Variants in RPS6KA5 observed in about 807,000 individuals in gnomAD.
RPS6KA5 encodes the protein ribosomal protein S6 kinase A5, also known as ribosomal protein S6 kinase alpha-5.
Under a neutral mutation model 85.5 loss-of-function variants are expected in RPS6KA5, and 27 were observed. The ratio of observed to expected loss-of-function variants is 0.32; its 90% CI spans 0.23 to 0.44. The LOEUF (loss-of-function observed/expected upper bound fraction) is 0.44. Ranked by LOEUF, RPS6KA5 falls within the 20% of genes least tolerant of loss-of-function variation. The probability of loss-of-function intolerance (pLI) is 1.00; values close to 1 mark genes in which losing one functional copy is unlikely to be tolerated. For synonymous variants in RPS6KA5, 334 were observed against 348.2 expected, an observed-to-expected ratio of 0.96 and a Z score of 0.46; for missense variants, 811 against 980.9, an observed-to-expected ratio of 0.83 and a Z score of 2.31.
Position 90,894,575 on chromosome 14 carries a change from C to T in RPS6KA5, c.1482G>A (p.Thr494=), listed in dbSNP as rs772830897. The T allele has an allele frequency of 4.3e-5, 69 of 1,613,720 alleles. No homozygotes were observed. Among genetic ancestry groups the T allele is most frequent in the Middle Eastern group, 1.6e-4 (1 of 6,082 alleles). The change falls in exon 13 of 17, where the codon ACG becomes ACA. Residue 494 remains threonine (T), a synonymous_variant. Coordinates refer to ENST00000614987, the MANE Select transcript of RPS6KA5 (RefSeq NM_004755.4). ...CATTCAGAAGTTCCATCACTAGAAA[C>T]GTGTGAAGCTAGAAAAGAGAAAGAA... ...LHEVFHDQLH[T]FLVMELLNGG...
intron 8 of RPS6KA5, among the ~76,000 whole-genome samples, chr14:90,905,077 T>C (rs1026032541): frequency 2.6e-5 from 4 of 152,204 alleles, no homozygotes; most frequent in African/African-American, 9.6e-5. Context: ...TTATTCTAAA[T>C]GTATTTCTCA....
intron 3 of RPS6KA5, among the ~76,000 whole-genome samples, chr14:90,963,858 C>T (rs538875287): frequency 1.3e-5 from 2 of 152,124 alleles, no homozygotes; most frequent in African/African-American, 2.4e-5. Flanking sequence ...ACATGTTCAC[C>T]GAGGAGTAGA....
At chr14:90,978,276 A>G (rs377700763) in intron 3 of RPS6KA5, 30 bp downstream of exon 3, 1 of 1,533,010 alleles carries the variant, frequency 6.5e-7, no homozygotes, top group Non-Finnish European at 8.9e-7. Flanking sequence ...AAGTGTTTTC[A>G]TAAAAAGTCT....
At chr14:91,001,931 A>G (rs914982428) in intron 1 of RPS6KA5, among the ~76,000 whole-genome samples, 1 of 152,188 alleles carries the variant, frequency 6.6e-6, no homozygotes, top group African/African-American at 2.4e-5. Context: ...AAACAAAGTT[A>G]AACGATTTCT....
chr14:90,894,500 C>G lies in RPS6KA5; in HGVS notation c.1557G>C (p.Thr519=), dbSNP rs150175403. The change falls in exon 13 of 17, where the codon ACG becomes ACC. Residue 519 remains threonine (T), a synonymous_variant. Coordinates refer to ENST00000614987, the MANE Select transcript of RPS6KA5 (RefSeq NM_004755.4). ...RIKKKKHFSE[T]EASYIMRKLV... The stretch of plus-strand genomic sequence containing the variant: ...GCTTCCTCATGATGTAGCTGGCTTC[C>G]GTCTCACTGAAGTGCTTCTTTTTCT... 1 of 1,614,124 alleles carries G rather than the reference C, an allele frequency of 6.2e-7. No homozygotes were observed. The highest frequency in any genetic ancestry group is 1.3e-5 in the African/African-American group (1 of 75,026).
At chr14:90,976,306 G>A (rs907229514) in intron 3 of RPS6KA5, among the ~76,000 whole-genome samples, 3 of 151,698 alleles carry the variant, frequency 2.0e-5, no homozygotes, top group Non-Finnish European at 4.4e-5. Flanking sequence ...CTTCTGACTC[G>A]GACAACCTTA....
chr14:90,875,958 T>C lies in RPS6KA5; in HGVS notation c.1837-598A>G, dbSNP rs541526432. On this transcript the variant is annotated intron_variant, in intron 14 of 16. Transcript: ENST00000614987. ...AGGAGATAAACCTAATGCTAAATGA[T>C]GAGTTAATGGGTGCAGCACACCAAC... is the stretch of plus-strand genomic sequence containing the variant. 2.5e-4 allele frequency among the ~76,000 whole-genome samples: 38 copies of C among 150,410 alleles called. 1 individual carries two copies. Among genetic ancestry groups the C allele is most frequent in the East Asian group, 1.6e-3 (8 of 5,030 alleles).
intron 1 of RPS6KA5, among the ~76,000 whole-genome samples, chr14:91,054,309 A>C (rs540571401): frequency 6.6e-6 from 1 of 152,120 alleles, no homozygotes; most frequent in Non-Finnish European, 1.5e-5. Flanking sequence ...CAAGAATAAA[A>C]TGAAAAAGAA....
intron 8 of RPS6KA5, among the ~76,000 whole-genome samples, chr14:90,905,760 T>C (rs1416268278): frequency 9.2e-5 from 14 of 152,076 alleles, no homozygotes; most frequent in Non-Finnish European, 1.9e-4. Flanking sequence ...TGAAACATAG[T>C]GGCAGTAATA....
In RPS6KA5 at chr14:90,858,882, G is replaced by C. The variant is rs950508369; in HGVS notation, c.*13192C>G. The C allele has an allele frequency of 2.0e-5, 3 of 152,138 alleles. No individual in the cohort carries two copies. The highest frequency in any genetic ancestry group is 2.9e-5 in the Non-Finnish European group (2 of 68,034). 9.4% of individuals were successfully genotyped at this position (152,138 alleles called of 1,614,324 possible). A position where few individuals can be genotyped will look rare whatever the true frequency, so the allele number is the denominator to read the frequency against. ...CTTGGGAAAGTAGCTAGGACTTAAG[G>C]GGCAAAATCCCAGAGCGAAGAAACC... On this transcript the variant is annotated 3_prime_UTR_variant, in exon 17 of 17. Transcript: ENST00000614987.
At chr14:90,898,136 G>GT (rs1002106783) in intron 12 of RPS6KA5, among the ~76,000 whole-genome samples, 1 of 152,172 alleles carries the variant, frequency 6.6e-6, no homozygotes, top group Admixed American at 6.5e-5. Flanking sequence ...ATAAAAGCTT[G>GT]TTGGGCTCTG....
chr14:90,925,941 CAAAA>C (rs71117389), intron 5 of RPS6KA5, among the ~76,000 whole-genome samples: 7 of 73,504 alleles, frequency 9.5e-5, no homozygotes, highest in Non-Finnish European at 1.2e-4. Context: ...GACCCTGACT[CAAAA>C]AAAAAAAAAA....
At chr14:91,057,943 T>A (rs1239597700) in intron 1 of RPS6KA5, among the ~76,000 whole-genome samples, 1 of 152,228 alleles carries the variant, frequency 6.6e-6, no homozygotes, top group Non-Finnish European at 1.5e-5. Flanking sequence ...TCCAACTCCA[T>A]GTCCTTTCAT....
At chr14:91,004,811 C>T (rs972610668) in intron 1 of RPS6KA5, among the ~76,000 whole-genome samples, 2 of 151,442 alleles carry the variant, frequency 1.3e-5, no homozygotes, top group African/African-American at 4.9e-5. Context: ...ACTAAAAATA[C>T]AAAAAAATTA....
intron 1 of RPS6KA5, among the ~76,000 whole-genome samples, chr14:91,043,473 C>T (rs776246048): frequency 6.6e-6 from 1 of 152,136 alleles, no homozygotes; most frequent in African/African-American, 2.4e-5. Context: ...GTTTCACAAC[C>T]GATTCTTCTA....
At chr14:90,995,629 T>C (rs1329004722) in intron 2 of RPS6KA5, among the ~76,000 whole-genome samples, 1 of 152,178 alleles carries the variant, frequency 6.6e-6, no homozygotes, top group African/African-American at 2.4e-5. Flanking sequence ...GGCAGCTTAT[T>C]TGCTTCTCTA....
At chr14:91,032,637 T>A (rs975746224) in intron 1 of RPS6KA5, among the ~76,000 whole-genome samples, 1 of 152,162 alleles carries the variant, frequency 6.6e-6, no homozygotes, top group Non-Finnish European at 1.5e-5. Flanking sequence ...GCTTGACGGC[T>A]ATGGGTCCTG....
At chr14:91,021,126 C>A (rs975727725) in intron 1 of RPS6KA5, among the ~76,000 whole-genome samples, 3 of 152,128 alleles carry the variant, frequency 2.0e-5, no homozygotes, top group Admixed American at 2.0e-4. Context: ...ATACGCTGTT[C>A]TTCATCAAAA....
intron 3 of RPS6KA5, among the ~76,000 whole-genome samples, chr14:90,954,242 T>C (rs2038384799): frequency 6.6e-6 from 1 of 152,204 alleles, no homozygotes; most frequent in Middle Eastern, 3.2e-3. Context: ...TTATCTGCAG[T>C]TGGTATTGGC....
Sources: allele counts gnomAD v4.1 joint callset (sites outside exome capture counted in the v4.1 genomes callset), GRCh38; gene constraint gnomAD v4.1.1; transcripts MANE v1.5; gene names NCBI Gene and HGNC (gene_info 2026-07-23, HGNC 2026-07-21).